PCDHGA2: variants seen among roughly 807,000 people sequenced by gnomAD.
PCDHGA2 encodes the protein protocadherin gamma subfamily A, 2.
Under a neutral mutation model 59.2 loss-of-function variants are expected in PCDHGA2, and 40 were observed. The ratio of observed to expected loss-of-function variants is 0.68; its 90% CI spans 0.52 to 0.88. PCDHGA2 has a LOEUF of 0.88. PCDHGA2 is among the 40% of genes least tolerant of loss of function. The pLI is 0.00. For synonymous variants in PCDHGA2, 560 were observed against 526.0 expected (o/e 1.06, Z -0.89); for missense variants, 1,226 against 1,204.0 (o/e 1.02, Z -0.27).
rs200317374 is a variant in PCDHGA2, at chr5:141,408,395, A to C, written c.2424+67000A>C. 29 of 1,613,856 alleles carry C rather than the reference A, an allele frequency of 1.8e-5. No homozygotes were observed. The South Asian group carries it at 3.0e-4, about 16-fold the overall frequency. On this transcript the variant is annotated intron_variant, in intron 1 of 3. Transcript: ENST00000394576. ...CAGTGTCCTGGATGTGTCGGCTCGC[A>C]AGCTGCGAGTGAGCGCGGAGAAGCT...
rs544291535 is a variant in PCDHGA2 at position 141,433,938 on chromosome 5, C to T, written c.2425-60869C>T. 4.6e-5 allele frequency among the ~76,000 whole-genome samples: 7 copies of T among 151,784 alleles called. No homozygotes were observed. The South Asian group carries it at 1.3e-3, about 27-fold the overall frequency. On this transcript the variant is annotated intron_variant, in intron 1 of 3. Coordinates refer to ENST00000394576, the MANE Select transcript of PCDHGA2 (RefSeq NM_018915.4). ...CCTCCAAATGAAGATTTTATAATTCCATTGTTTCTTCTACAGTTGTTAATT... is the reference window on the plus strand; with the variant it reads ...CCTCCAAATGAAGATTTTATAATTCTATTGTTTCTTCTACAGTTGTTAATT...
intron 2 of PCDHGA2, among the ~76,000 whole-genome samples, chr5:141,504,141 T>C (rs1289360763): frequency 6.6e-6 from 1 of 152,192 alleles, no homozygotes; most frequent in East Asian, 1.9e-4. Flanking sequence ...AACACTCCCC[T>C]GCAAATTGAA....
chr5:141,371,971 G>C, intron 1 of PCDHGA2: 1 of 1,612,438 alleles, frequency 6.2e-7, no homozygotes, highest in Non-Finnish European at 8.5e-7. Flanking sequence ...GAGCAGCTGC[G>C]TGCCTTCGAG....
chr5:141,421,207 A>G (rs1318794693), intron 1 of PCDHGA2: 3 of 1,533,934 alleles, frequency 2.0e-6, no homozygotes, highest in Non-Finnish European at 2.6e-6. Context: ...GAAACCGCGG[A>G]ATATCGGCTT....
chr5:141,375,590 T>C (rs750456402), intron 1 of PCDHGA2: 1 of 1,614,162 alleles, frequency 6.2e-7, no homozygotes, highest in South Asian at 1.1e-5. Flanking sequence ...GCCCCTGTCC[T>C]CCTACGTGTC....
At chr5:141,372,101 C>G (rs984585015) in intron 1 of PCDHGA2, 15 of 1,613,794 alleles carry the variant, frequency 9.3e-6, no homozygotes, top group Non-Finnish European at 1.3e-5. Flanking sequence ...CTCTGGGGCC[C>G]GAAGGCTCTG....
At chr5:141,488,011 T>C (rs1424799954) in intron 1 of PCDHGA2, among the ~76,000 whole-genome samples, 1 of 152,182 alleles carries the variant, frequency 6.6e-6, no homozygotes, top group Non-Finnish European at 1.5e-5. Context: ...GATTCTGAAG[T>C]ACCTTAACTC....
At chr5:141,362,365 A>G in intron 1 of PCDHGA2, 4 of 1,614,014 alleles carry the variant, frequency 2.5e-6, no homozygotes, top group South Asian at 1.1e-5. Context: ...CCCCAATTAC[A>G]GTGAGGGTAC....
At chr5:141,375,105 A>G (rs371346343) in intron 1 of PCDHGA2, 56 of 1,613,840 alleles carry the variant, frequency 3.5e-5, no homozygotes, top group East Asian at 3.1e-4. Context: ...TTGGATGTCA[A>G]TGATAATGTA....
At position 141,362,242 on chromosome 5, in the gene PCDHGA2, T is replaced by C. The variant is rs759010180; in HGVS notation, c.2424+20847T>C. 12 of 1,613,924 alleles carry C rather than the reference T, an allele frequency of 7.4e-6. No homozygotes were observed. The South Asian group carries it at 8.8e-5, about 12-fold the overall frequency. On this transcript the variant is annotated intron_variant, in intron 1 of 3. Transcript: ENST00000394576. ...GGCCTTGGCCTTGATCTCAGTGCTC[T>C]TCTTCCTCGCGGTGATTCTGGCAAT... is the stretch of plus-strand genomic sequence containing the variant.
chr5:141,503,654 G>C (rs1248501987), intron 2 of PCDHGA2, among the ~76,000 whole-genome samples: 1 of 150,388 alleles, frequency 6.6e-6, no homozygotes, highest in Non-Finnish European at 1.5e-5. Flanking sequence ...AATGGAAACA[G>C]AATTACAACT....
At chr5:141,360,028 A>T in intron 1 of PCDHGA2, 1 of 1,360,274 alleles carries the variant, frequency 7.4e-7, no homozygotes, top group Non-Finnish European at 9.8e-7. Flanking sequence ...AGGCCAGTAT[A>T]GATTCGGAAA....
chr5:141,344,510 C>T (rs771669587), intron 1 of PCDHGA2: 18 of 1,613,796 alleles, frequency 1.1e-5, no homozygotes, highest in Non-Finnish European at 1.7e-6. Flanking sequence ...CTGCTTTTGA[C>T]CCAGATGTAG....
intron 1 of PCDHGA2, among the ~76,000 whole-genome samples, chr5:141,445,531 C>A (rs1476079791): frequency 6.6e-6 from 1 of 152,136 alleles, no homozygotes; most frequent in Non-Finnish European, 1.5e-5. Flanking sequence ...TGATAAAAGC[C>A]AACAAGGAGA....
At chr5:141,479,358 GC>G (rs2154577546) in intron 1 of PCDHGA2, 1 of 152,584 alleles carries the variant, frequency 6.6e-6, no homozygotes, top group Non-Finnish European at 1.5e-5. Flanking sequence ...GCTGCTCAGT[GC>G]CTGAGGTGGG....
intron 1 of PCDHGA2, chr5:141,372,919 A>T (rs1404152823): frequency 9.8e-7 from 1 of 1,018,038 alleles, no homozygotes; most frequent in Admixed American, 3.0e-5. Context: ...TATTTTATTG[A>T]TTTTCTGGTG....
chr5:141,352,319 T>C, intron 1 of PCDHGA2: 1 of 1,614,074 alleles, frequency 6.2e-7, no homozygotes, highest in South Asian at 1.1e-5. Context: ...ACTGCAGTTT[T>C]ACCTGGTTGT....
chr5:141,404,860 T>G (rs3749769), intron 1 of PCDHGA2: 7 of 1,613,630 alleles, frequency 4.3e-6, no homozygotes, highest in Admixed American at 1.7e-5. Context: ...TAGATAGAGA[T>G]GCGCTCAAAC....
rs753256077 is a variant in PCDHGA2 at position 141,431,467 on chromosome 5, C to A, written c.2425-63340C>A. On this transcript the variant is annotated intron_variant, in intron 1 of 3. Coordinates refer to ENST00000394576, the MANE Select transcript of PCDHGA2 (RefSeq NM_018915.4). The surrounding 1 kb of genome is among the most constrained non-coding windows in gnomAD (Gnocchi z 4.8). The stretch of plus-strand genomic sequence containing the variant: ...TCCGCGTGATGGTTCTGGATGCGAA[C>A]GACAACGCACCAGCGTTTGCTCAGC... 1.9e-5 allele frequency: 31 copies of A among 1,613,684 alleles called. No homozygotes were observed. The highest frequency in any genetic ancestry group is 3.4e-6 in the Non-Finnish European group (4 of 1,179,964).
Sources: allele counts gnomAD v4.1 joint callset (sites outside exome capture counted in the v4.1 genomes callset), GRCh38; gene constraint gnomAD v4.1.1; non-coding constraint Gnocchi (gnomAD v3.1); transcripts MANE v1.5; gene names NCBI Gene and HGNC (gene_info 2026-07-23, HGNC 2026-07-21).